Variants in MAGED1 observed in about 807,000 individuals in gnomAD.
MAGED1 encodes the protein MAGE family member D1.
MAGED1 carries 3 observed loss-of-function variants against 54.1 expected under a neutral mutation model. The ratio of observed to expected loss-of-function variants is 0.06; its 90% CI spans 0.03 to 0.14. The LOEUF is 0.14. Among genes scored for constraint, MAGED1 ranks in the 10% least tolerant of loss-of-function variants. MAGED1 has a pLI of 1.00. For synonymous variants in MAGED1, 217 were observed against 227.3 expected (o/e 0.95, Z 0.41); for missense variants, 485 against 623.4 (o/e 0.78, Z 2.36).
chrX:51,882,704 T>C (rs1928100375), intron 1 of MAGED1, among the ~76,000 whole-genome samples: 1 of 111,659 alleles, frequency 9.0e-6, no homozygotes, highest in African/African-American at 3.3e-5. Context: ...TTTTATTTTT[T>C]TTTGAGACGG....
chrX:51,900,189 G>GACTACAGACGAGTGCCCA lies in MAGED1; in HGVS notation c.1855_1872dup (p.Tyr619_Asn624dup). 1 of 1,197,052 alleles carries GACTACAGACGAGTGCCCA rather than the reference G, an allele frequency of 8.4e-7. No homozygotes were observed. The highest frequency in any genetic ancestry group is 1.1e-6 in the Non-Finnish European group (1 of 883,593). ...ACTGTTTTGCTCTTTCAGATACCTG[G>GACTACAGACGAGTGCCCA]ACTACAGACGAGTGCCCAACAGCAA... On this transcript the variant is annotated inframe_insertion, in exon 11 of 13. Coordinates refer to ENST00000326587, the MANE Select transcript of MAGED1 (RefSeq NM_006986.4).
chrX:51,900,366 G>A, intron 11 of MAGED1, 70 bp downstream of exon 11: 2 of 850,925 alleles, frequency 2.4e-6, no homozygotes, highest in Non-Finnish European at 1.7e-6. Flanking sequence ...AAGGCCCAGG[G>A]TAGGAATGAG....
chrX:51,892,584 G>T (rs1928485217), upstream of MAGED1, among the ~76,000 whole-genome samples: 1 of 112,021 alleles, frequency 8.9e-6, no homozygotes, highest in Non-Finnish European at 1.9e-5. Flanking sequence ...CCCACGCCTG[G>T]ATGGACCCAC....
intron 1 of MAGED1, among the ~76,000 whole-genome samples, chrX:51,832,485 C>G (rs182555209): frequency 1.8e-5 from 2 of 111,143 alleles, no homozygotes; most frequent in Admixed American, 9.6e-5. Context: ...CTCTTAGCCT[C>G]TGGTAACCAT....
At chrX:51,809,982 A>T (rs1925163894) in intron 1 of MAGED1, among the ~76,000 whole-genome samples, 1 of 111,927 alleles carries the variant, frequency 8.9e-6, no homozygotes, top group Admixed American at 9.5e-5. Flanking sequence ...TTTTTCATTT[A>T]TCAGTGTTCA....
intron 1 of MAGED1, among the ~76,000 whole-genome samples, chrX:51,822,196 G>A (rs1457272384): frequency 5.4e-5 from 6 of 111,606 alleles, no homozygotes; most frequent in African/African-American, 1.3e-4. Flanking sequence ...TTTGTGGGTA[G>A]TGTTTTGATT....
chrX:51,823,563 CTT>C, intron 1 of MAGED1, among the ~76,000 whole-genome samples: 3 of 111,466 alleles, frequency 2.7e-5, no homozygotes. Context: ...TGGGCCATAA[CTT>C]TTTTTGTCGA....
At chrX:51,882,267 G>T (rs782753572) in intron 1 of MAGED1, among the ~76,000 whole-genome samples, 309 of 111,563 alleles carry the variant, frequency 2.8e-3, no homozygotes, top group African/African-American at 9.8e-3. Flanking sequence ...TATTCATATT[G>T]TAAAAGAAGT....
chrX:51,864,717 T>C (rs1927403990), intron 1 of MAGED1, among the ~76,000 whole-genome samples: 1 of 111,946 alleles, frequency 8.9e-6, no homozygotes, highest in South Asian at 3.7e-4. Flanking sequence ...TTTGATGTTA[T>C]TATAAATGGG....
chrX:51,892,831 C>A (rs181300777), upstream of MAGED1, among the ~76,000 whole-genome samples: 134 of 111,417 alleles, frequency 1.2e-3, no homozygotes, highest in African/African-American at 4.2e-3. Context: ...GGCTCTGTGG[C>A]CTTGTCTAGT....
intron 1 of MAGED1, among the ~76,000 whole-genome samples, chrX:51,868,802 G>A (rs1363032743): frequency 9.0e-6 from 1 of 111,267 alleles, no homozygotes; most frequent in Non-Finnish European, 1.9e-5. Context: ...GGTACATGAT[G>A]GAAGTGAGAA....
chrX:51,812,590 C>A (rs1925261179), intron 1 of MAGED1, among the ~76,000 whole-genome samples: 1 of 111,984 alleles, frequency 8.9e-6, no homozygotes, highest in Non-Finnish European at 1.9e-5. Flanking sequence ...CTTAGTATTT[C>A]CATTCCTTTT....
chrX:51,878,529 C>T (rs976995185), intron 1 of MAGED1, among the ~76,000 whole-genome samples: 1 of 111,068 alleles, frequency 9.0e-6, no homozygotes, highest in South Asian at 3.8e-4. Flanking sequence ...GCCATAGGAA[C>T]GCATTTGATA....
intron 1 of MAGED1, among the ~76,000 whole-genome samples, chrX:51,821,851 G>T (rs1158686229): frequency 9.0e-6 from 1 of 111,643 alleles, no homozygotes; most frequent in Non-Finnish European, 1.9e-5. Context: ...TGGTCATGTG[G>T]TTTTCATTTT....
chrX:51,894,548 G>A (rs1928613062), intron 2 of MAGED1, 199 bp downstream of exon 2: 1 of 930,058 alleles, frequency 1.1e-6, no homozygotes, highest in South Asian at 2.2e-5. Context: ...CTCAGAGAGA[G>A]GGGAGACCCT....
chrX:51,894,736 G>A, intron 2 of MAGED1: 1 of 1,144,325 alleles, frequency 8.7e-7, no homozygotes, highest in Admixed American at 3.3e-5. Context: ...TCTCAACTCC[G>A]CGATCCGCCT....
At chrX:51,887,011 G>A (rs1928259619) in intron 1 of MAGED1, among the ~76,000 whole-genome samples, 1 of 105,735 alleles carries the variant, frequency 9.5e-6, no homozygotes, top group South Asian at 4.3e-4. Context: ...AGCCATGATC[G>A]CACCATTGCA....
rs1374033917 is a variant in MAGED1 at position 51,898,192 on chromosome X, G to A, written c.1737G>A (p.Glu579=). The A allele has an allele frequency of 8.3e-7, 1 of 1,208,730 alleles. No homozygotes were observed. The highest frequency in any genetic ancestry group is 3.0e-5 in the East Asian group (1 of 33,753). ...VIFMNGNRAS[E]AVLWEALRKM... ...TCATGAATGGCAACCGTGCCAGTGAGGGTGAGTGGCTGGACCTGCAGCTGG... is the reference window on the plus strand; with the variant it reads ...TCATGAATGGCAACCGTGCCAGTGAAGGTGAGTGGCTGGACCTGCAGCTGG... The change falls in exon 8 of 13, where the codon GAG becomes GAA. Residue 579 remains glutamate, a splice_region_variant and synonymous_variant. Coordinates refer to ENST00000326587, the MANE Select transcript of MAGED1 (RefSeq NM_006986.4).
chrX:51,805,257 G>T (rs1924985709), intron 1 of MAGED1, among the ~76,000 whole-genome samples: 1 of 111,781 alleles, frequency 8.9e-6, no homozygotes, highest in Non-Finnish European at 1.9e-5. Flanking sequence ...TGAATTCAGT[G>T]CTTGTTTATA....
Sources: gnomAD v4.1 joint callset for allele counts (sites outside exome capture counted in the v4.1 genomes callset) on GRCh38, gnomAD v4.1.1 for gene constraint, MANE v1.5 for transcripts, NCBI Gene and HGNC (gene_info 2026-07-23, HGNC 2026-07-21) for gene names.